Variants in DCTD observed in about 807,000 individuals in gnomAD.
The protein encoded by DCTD is dCMP deaminase.
A neutral mutation model predicts 21.0 loss-of-function variants in DCTD; 23 were observed. That is an observed-to-expected ratio of 1.09 (90% CI 0.79 to 1.55). DCTD has a LOEUF of 1.55. Among genes scored for constraint, DCTD ranks in the 40% most tolerant of loss-of-function variants. DCTD has a pLI of 0.00. For missense variants in DCTD, 224 were observed against 230.0 expected, an observed-to-expected ratio of 0.97 and a Z score of 0.17; for synonymous variants, 71 against 81.1, an observed-to-expected ratio of 0.88 and a Z score of 0.67.
At position 182,893,101 on chromosome 4, in the gene DCTD, C is replaced by G. The variant is rs1484865886; in HGVS notation, c.388G>C (p.Asp130His). 2 of 1,610,270 alleles carry G rather than the reference C, an allele frequency of 1.2e-6. No homozygotes were observed. Among genetic ancestry groups the G allele is most frequent in the South Asian group, 1.1e-5 (1 of 90,542 alleles). The change falls in exon 5 of 6, where the codon GAT becomes CAT. Residue 130 changes from aspartate to histidine, a missense_variant. Transcript: ENST00000438320. ...AGIKEVIFMS[D>H]KYHDSDEATA... ...GCCTCGTCACTATCATGGTATTTAT[C>G]AGACATGAAAATCACTTCTTTTATA...
At chr4:182,897,445 A>G (rs981543184) in intron 3 of DCTD, among the ~76,000 whole-genome samples, 8 of 150,674 alleles carry the variant, frequency 5.3e-5, no homozygotes, top group Non-Finnish European at 1.0e-4. Flanking sequence ...ACTTCCCAAC[A>G]TCACCATGAA....
Position 182,893,029 on chromosome 4 carries a change from A to T in DCTD, c.458+2T>A. The T allele has an allele frequency of 6.3e-7, 1 of 1,598,604 alleles. No homozygotes were observed. The highest frequency in any genetic ancestry group is 8.6e-7 in the Non-Finnish European group (1 of 1,166,936). On this transcript the variant is annotated splice_donor_variant, in intron 5 of 5. Coordinates refer to ENST00000438320, the MANE Select transcript of DCTD (RefSeq NM_001921.3). LOFTEE classifies it high-confidence loss of function. ...CCCCCCGCCCGCATTCTCCCCACTT[A>T]CCGGAATGTCACCCCGGCCATATTA... is the stretch of plus-strand genomic sequence containing the variant.
chr4:182,894,441 G>C lies in DCTD; in HGVS notation c.361+48C>G, dbSNP rs749554708. 7.2e-6 allele frequency: 8 copies of C among 1,114,778 alleles called. No homozygotes were observed. In the African/African-American group the frequency reaches 9.3e-5, roughly 13 times the overall value. The allele number at this position is 1,114,778 out of a possible 1,614,324, so 69.1% of individuals were successfully genotyped here. ...AACACATCAGCAATGAGCTACTGAC[G>C]AGCAGGCAGCAATGCAAATGTGACA... On this transcript the variant is annotated intron_variant, in intron 4 of 5. Transcript: ENST00000438320.
chr4:182,900,598 T>TA (rs56147511), intron 3 of DCTD, among the ~76,000 whole-genome samples: 139 of 145,152 alleles, frequency 9.6e-4, no homozygotes, highest in East Asian at 3.6e-3. Context: ...GTCTAAATTG[T>TA]AAAAAAAAAA....
chr4:182,905,939 G>C (rs576028695), intron 3 of DCTD, among the ~76,000 whole-genome samples: 1 of 152,026 alleles, frequency 6.6e-6, no homozygotes, highest in Non-Finnish European at 1.5e-5. Context: ...GAACCATTTG[G>C]GGGGAGTCAA....
Position 182,891,282 on chromosome 4 carries a change from T to G in DCTD, c.*117A>C, listed in dbSNP as rs981129168. 1 of 720,416 alleles carries G rather than the reference T, an allele frequency of 1.4e-6. No individual in the cohort carries two copies. The highest frequency in any genetic ancestry group is 2.5e-4 in the Middle Eastern group (1 of 4,080). The allele number at this position is 720,416 out of a possible 1,614,324, so 44.6% of individuals were successfully genotyped here. ...GATTTGAGGCTTTATATTCTTTAGA[T>G]GCCTACTTTTGCCATACTGGCTAGT... On this transcript the variant is annotated 3_prime_UTR_variant, in exon 6 of 6. Transcript: ENST00000438320.
intron 3 of DCTD, chr4:182,911,650 T>G (rs1462457198): frequency 6.6e-6 from 1 of 152,164 alleles, no homozygotes; most frequent in East Asian, 1.9e-4. Flanking sequence ...TAGAAGTTAC[T>G]TACAAGAAAG....
intron 3 of DCTD, among the ~76,000 whole-genome samples, chr4:182,897,507 CATAT>C (rs10547938): frequency 8.8e-5 from 13 of 146,958 alleles, no homozygotes; most frequent in South Asian, 2.1e-4. Flanking sequence ...ATTTAGCACC[CATAT>C]ATATATATAT....
chr4:182,917,189 C>A lies in DCTD; in HGVS notation c.-8+122G>T, dbSNP rs1429561035. On this transcript the variant is annotated intron_variant, in intron 1 of 5. Transcript: ENST00000438320. This position sits in a 1 kb window ranked among gnomAD's most constrained non-coding sequence, Gnocchi z 4.9. ...CTGAGCGCGGCCGAGGCGCCCCCAG[C>A]GTCCGCGGCCCCAGGCCCCCGCCCG... is the stretch of plus-strand genomic sequence containing the variant. 2.6e-5 allele frequency: 26 copies of A among 991,268 alleles called. No homozygotes were observed. The African/African-American group carries it at 2.6e-4, about 10-fold the overall frequency. 61.4% of individuals were successfully genotyped at this position (991,268 alleles called of 1,614,324 possible).
intron 3 of DCTD, chr4:182,911,350 G>T (rs1437608717): frequency 1.3e-5 from 2 of 152,158 alleles, no homozygotes; most frequent in Non-Finnish European, 2.9e-5. Context: ...TGAATTTGGG[G>T]GGAGACACAT....
At chr4:182,903,955 A>G (rs1480295278) in intron 3 of DCTD, among the ~76,000 whole-genome samples, 2 of 152,152 alleles carry the variant, frequency 1.3e-5, no homozygotes, top group East Asian at 3.9e-4. Flanking sequence ...CAGACAAGCT[A>G]CTTGCTACAT....
intron 3 of DCTD, among the ~76,000 whole-genome samples, chr4:182,907,245 C>T (rs543951425): frequency 6.6e-6 from 1 of 152,304 alleles, no homozygotes; most frequent in African/African-American, 2.4e-5. Context: ...AAGCAATCCT[C>T]CCACCTCAGC....
chr4:182,913,789 A>G (rs113708332), intron 3 of DCTD, among the ~76,000 whole-genome samples: 3 of 152,168 alleles, frequency 2.0e-5, no homozygotes, highest in Non-Finnish European at 4.4e-5. Context: ...CATTGCTTGC[A>G]TATTCTCCAA....
intron 1 of DCTD, chr4:182,916,838 C>T: frequency 9.4e-7 from 1 of 1,067,932 alleles, no homozygotes; most frequent in Non-Finnish European, 1.1e-6. Context: ...CACTAGAGCC[C>T]TGTGAGGACT....
chr4:182,899,096 C>T (rs1489898876), intron 3 of DCTD, among the ~76,000 whole-genome samples: 1 of 152,184 alleles, frequency 6.6e-6, no homozygotes, highest in Non-Finnish European at 1.5e-5. Flanking sequence ...CCCAACATGA[C>T]GTGTACTTGG....
At chr4:182,903,871 G>C (rs887264699) in intron 3 of DCTD, among the ~76,000 whole-genome samples, 1 of 152,064 alleles carries the variant, frequency 6.6e-6, no homozygotes, top group Non-Finnish European at 1.5e-5. Context: ...CTCAGCCTCC[G>C]GACCTAAGAA....
At chr4:182,891,676 A>G (rs115641657) in intron 5 of DCTD, among the ~76,000 whole-genome samples, 199 bp from the exon 6 acceptor site, 2,780 of 152,300 alleles carry the variant, frequency 0.018, 82 homozygotes, top group African/African-American at 0.063. Context: ...AAAAAGATGC[A>G]TGGGGTGGTG....
At chr4:182,892,926 TC>T in intron 5 of DCTD, 104 bp downstream of exon 5, 1 of 709,562 alleles carries the variant, frequency 1.4e-6, no homozygotes. Flanking sequence ...TAAAGACACC[TC>T]CAAGTGTGGA....
chr4:182,916,923 C>T, intron 1 of DCTD: 1 of 1,003,346 alleles, frequency 1.0e-6, no homozygotes. Context: ...GGTCACCGTC[C>T]CAGGCACACC....
Sources: allele counts gnomAD v4.1 joint callset (sites outside exome capture counted in the v4.1 genomes callset), GRCh38; gene constraint gnomAD v4.1.1; non-coding constraint Gnocchi (gnomAD v3.1); transcripts MANE v1.5; gene names NCBI Gene and HGNC (gene_info 2026-07-23, HGNC 2026-07-21).